Variants in DENND2A observed in about 807,000 individuals in gnomAD.
DENND2A encodes the protein DENN domain containing 2A, also known as DENN domain-containing protein 2A.
Under a neutral mutation model 105.3 loss-of-function variants are expected in DENND2A, and 53 were observed. The ratio of observed to expected loss-of-function variants is 0.50; its 90% CI spans 0.40 to 0.63. The LOEUF (loss-of-function observed/expected upper bound fraction) is 0.63. Ranked by LOEUF, DENND2A falls within the 30% of genes least tolerant of loss-of-function variation. DENND2A has a pLI of 0.00. For missense variants in DENND2A, 1,138 were observed against 1,279.6 expected (o/e 0.89, Z 1.69); for synonymous variants, 522 against 508.4 (o/e 1.03, Z -0.36).
rs1410755331 is a variant in DENND2A, at chr7:140,605,702, T to TA, written c.-146+2dup. ...TACACTCTCGGGGGAGAAGTGTTCT[T>TA]ACTTGTCAGCCAATTTGTAGCTCAG... On this transcript the variant is annotated splice_region_variant and intron_variant, in intron 2 of 19. Transcript: ENST00000496613. The TA allele has an allele frequency of 3.9e-5, 6 of 152,330 alleles. No homozygotes were observed. The highest frequency in any genetic ancestry group is 7.3e-5 in the Non-Finnish European group (5 of 68,174). 9.4% of individuals were successfully genotyped at this position (152,330 alleles called of 1,614,324 possible). A position where few individuals can be genotyped will look rare whatever the true frequency, so the allele number is the denominator to read the frequency against.
intron 5 of DENND2A, among the ~76,000 whole-genome samples, chr7:140,581,917 T>C (rs1286633551): frequency 1.3e-5 from 2 of 151,914 alleles, no homozygotes; most frequent in African/African-American, 2.4e-5. Context: ...CTTTATTTCC[T>C]GGTATCAGGG....
intron 18 of DENND2A, among the ~76,000 whole-genome samples, chr7:140,521,471 T>TG (rs1372983439): frequency 1.3e-5 from 2 of 151,980 alleles, no homozygotes; most frequent in African/African-American, 4.8e-5. Flanking sequence ...GAAAAGGGGT[T>TG]GCACCATGTT....
rs117576689 is a variant in DENND2A at position 140,530,226 on chromosome 7, C to A, written c.2328-2731G>T. 7.8e-3 allele frequency among the ~76,000 whole-genome samples: 1,181 copies of A among 152,118 alleles called. 12 individuals carry two copies. Among genetic ancestry groups the A allele is most frequent in the Non-Finnish European group, 0.014 (935 of 67,988 alleles). On this transcript the variant is annotated intron_variant, in intron 14 of 19. Transcript: ENST00000496613. ...ATGACAGAGGGAGACCCTGTCTCAA[C>A]AACAACAAAATCATCATTGTTGTAC...
chr7:140,600,964 G>T (rs550296550), intron 3 of DENND2A, among the ~76,000 whole-genome samples: 1 of 152,164 alleles, frequency 6.6e-6, no homozygotes, highest in African/African-American at 2.4e-5. Flanking sequence ...CTGAGGCTTC[G>T]AGAGGTTAGA....
At position 140,603,802 on chromosome 7, in the gene DENND2A, C is replaced by T. The variant is rs1183963030; in HGVS notation, c.-145-1260G>A. On this transcript the variant is annotated intron_variant, in intron 2 of 19. Coordinates refer to ENST00000496613, the MANE Select transcript of DENND2A (RefSeq NM_015689.5). ...TTCAAGCTTCAGTTCCTCAGTTACA[C>T]CTGCCACATGTCAAGGACTCAGAAG... is the stretch of plus-strand genomic sequence containing the variant. Among the ~76,000 whole-genome samples the T allele has an allele frequency of 2.0e-5, 3 of 152,338 alleles. No homozygotes were observed. The East Asian group carries it at 5.8e-4, about 29-fold the overall frequency.
chr7:140,556,071 G>A (rs1797353352), intron 11 of DENND2A, among the ~76,000 whole-genome samples: 1 of 152,118 alleles, frequency 6.6e-6, no homozygotes, highest in African/African-American at 2.4e-5. Context: ...AGGCTGGAGT[G>A]CAGTGGTGTG....
In DENND2A at chr7:140,596,862, G is replaced by A. The variant is rs982582303; in HGVS notation, c.995+4541C>T. On this transcript the variant is annotated intron_variant, in intron 3 of 19. Transcript: ENST00000496613. The stretch of plus-strand genomic sequence containing the variant: ...AGAGTAGTAACTTTTCTTGTTAAAT[G>A]TCGGCCTTAAGGCATTCTTGCCAGA... Among the ~76,000 whole-genome samples, 6 of 152,322 alleles carry A rather than the reference G, an allele frequency of 3.9e-5. No individual in the cohort carries two copies. The East Asian group carries it at 1.2e-3, about 29-fold the overall frequency.
At chr7:140,572,751 C>CAAAAA (rs59174097) in intron 6 of DENND2A, among the ~76,000 whole-genome samples, 6 of 58,870 alleles carry the variant, frequency 1.0e-4, no homozygotes, top group Admixed American at 1.7e-4. Context: ...GAAACTCTGT[C>CAAAAA]AAAAAAAAAA....
chr7:140,521,026 C>T (rs1795841154), intron 18 of DENND2A, among the ~76,000 whole-genome samples: 1 of 151,748 alleles, frequency 6.6e-6, no homozygotes, highest in Non-Finnish European at 1.5e-5. Context: ...AGGCGCACAC[C>T]ACCACGCCTG....
In DENND2A at chr7:140,559,940, C is replaced by T; in HGVS notation, c.1780-123G>A. ...TTGTGACTGCCGCCTTAGCCTCTTC[C>T]CTTGGGAAGAGCTTGCAGCTCAGTC... is the stretch of plus-strand genomic sequence containing the variant. On this transcript the variant is annotated intron_variant, in intron 9 of 19. Coordinates refer to ENST00000496613, the MANE Select transcript of DENND2A (RefSeq NM_015689.5). The surrounding 1 kb of genome is among the most constrained non-coding windows in gnomAD (Gnocchi z 4.1). 1.3e-6 allele frequency: 1 copy of T among 750,048 alleles called. No homozygotes were observed. The highest frequency in any genetic ancestry group is 1.5e-5 in the South Asian group (1 of 66,512). 46.5% of individuals were successfully genotyped at this position (750,048 alleles called of 1,614,324 possible).
intron 6 of DENND2A, among the ~76,000 whole-genome samples, chr7:140,573,028 C>G (rs1193249686): frequency 1.3e-5 from 2 of 152,118 alleles, no homozygotes; most frequent in African/African-American, 4.8e-5. Flanking sequence ...CTTGTTTAAC[C>G]CCTATCTTCC....
intron 2 of DENND2A, among the ~76,000 whole-genome samples, chr7:140,603,481 G>T (rs1009889097): frequency 6.6e-6 from 1 of 152,206 alleles, no homozygotes; most frequent in African/African-American, 2.4e-5. Context: ...AAGCCACAAT[G>T]ATTGGATGCA....
At chr7:140,562,662 AAAAC>A (rs112941923) in intron 9 of DENND2A, among the ~76,000 whole-genome samples, 2 of 150,794 alleles carry the variant, frequency 1.3e-5, no homozygotes, top group Non-Finnish European at 3.0e-5. Context: ...GCTCCGTCTC[AAAAC>A]AAACAAACAA....
Position 140,585,625 on chromosome 7 carries a change from A to G in DENND2A, c.1209T>C (p.Ala403=), listed in dbSNP as rs769220604. Residue 403 remains alanine (A), a synonymous_variant, in exon 5 of 20, where the codon GCT becomes GCC. Transcript: ENST00000496613. Reference sequence around the variant, plus strand: ...TGTCAGGGATGGAAGAGGTGGGAGAAGCAGGAAAATTCAAGACACACTTCT... The same window carrying G: ...TGTCAGGGATGGAAGAGGTGGGAGAGGCAGGAAAATTCAAGACACACTTCT... ...LGKKCVLNFP[A]SPTSSIPDTL... The G allele has an allele frequency of 2.2e-5, 35 of 1,614,034 alleles. No homozygotes were observed. The highest frequency in any genetic ancestry group is 2.9e-5 in the Non-Finnish European group (34 of 1,180,030).
chr7:140,561,728 T>G (rs1421065402), intron 9 of DENND2A, among the ~76,000 whole-genome samples: 1 of 150,794 alleles, frequency 6.6e-6, no homozygotes, highest in Non-Finnish European at 1.5e-5. Flanking sequence ...TTGGCCAGGC[T>G]GATCTTGAAC....
chr7:140,601,455 A>T lies in DENND2A; in HGVS notation c.943T>A (p.Ser315Thr). 2 of 1,613,380 alleles carry T rather than the reference A, an allele frequency of 1.2e-6. No homozygotes were observed. Among genetic ancestry groups the T allele is most frequent in the Non-Finnish European group, 1.7e-6 (2 of 1,179,764 alleles). Residue 315 changes from serine to threonine, a missense_variant, in exon 3 of 20, where the codon TCT becomes ACT. Around this residue, in one of 2 missense-constraint regions of DENND2A, gnomAD observed 511 missense variants for 499.9 expected, o/e 1.02. Coordinates refer to ENST00000496613, the MANE Select transcript of DENND2A (RefSeq NM_015689.5). The part of the protein sequence containing the change: ...PPLPSSPPPS[S>T]VNRRLWTGRQ... ...CCGGTCCACAGTCTTCTGTTCACAGAGGAAGGTGGGGGAGAGGAGGGCAGA... is the reference window on the plus strand; with the variant it reads ...CCGGTCCACAGTCTTCTGTTCACAGTGGAAGGTGGGGGAGAGGAGGGCAGA...
At chr7:140,604,880 A>G (rs1250510832) in intron 2 of DENND2A, among the ~76,000 whole-genome samples, 1 of 152,206 alleles carries the variant, frequency 6.6e-6, no homozygotes, top group African/African-American at 2.4e-5. Context: ...CAATGAATGA[A>G]TGAATTCATG....
chr7:140,630,119 T>C (rs1030517655), intron 1 of DENND2A, among the ~76,000 whole-genome samples: 29 of 151,564 alleles, frequency 1.9e-4, no homozygotes, highest in African/African-American at 7.0e-4. Flanking sequence ...GCCAGGTCTT[T>C]TTTTTTTTTA....
In DENND2A at chr7:140,573,804, T is replaced by C; in HGVS notation, c.1446+4A>G. Reference sequence around the variant, plus strand: ...CTGAGCATGAAGCTTGTTGCCACCATTACCTTGGGTATCTTTCTCTTCTTC... The same window carrying C: ...CTGAGCATGAAGCTTGTTGCCACCACTACCTTGGGTATCTTTCTCTTCTTC... On this transcript the variant is annotated splice_donor_region_variant and intron_variant, in intron 6 of 19. Coordinates refer to ENST00000496613, the MANE Select transcript of DENND2A (RefSeq NM_015689.5). 6.2e-7 allele frequency: 1 copy of C among 1,612,986 alleles called. No individual in the cohort carries two copies. The highest frequency in any genetic ancestry group is 8.5e-7 in the Non-Finnish European group (1 of 1,179,386).
Sources: allele counts gnomAD v4.1 joint callset (sites outside exome capture counted in the v4.1 genomes callset), GRCh38; gene constraint gnomAD v4.1.1; regional missense constraint gnomAD v4.1.1; non-coding constraint Gnocchi (gnomAD v3.1); transcripts MANE v1.5; gene names NCBI Gene and HGNC (gene_info 2026-07-23, HGNC 2026-07-21).